CYP3A43: variants seen among roughly 807,000 people sequenced by gnomAD.
CYP3A43 encodes cytochrome P450 3A43.
A neutral mutation model predicts 58.0 loss-of-function variants in CYP3A43; 45 were observed. That is an observed-to-expected ratio of 0.78 (90% CI 0.61 to 0.99). CYP3A43 has a LOEUF of 0.99. Ranked by LOEUF, CYP3A43 falls within the 50% of genes least tolerant of loss-of-function variation. The pLI is 0.00. For synonymous variants in CYP3A43, 191 were observed against 201.4 expected (o/e 0.95, Z 0.44); for missense variants, 593 against 591.9 (o/e 1.00, Z -0.02).
At chr7:99,856,633 T>G (rs1817991100) in intron 8 of CYP3A43, among the ~76,000 whole-genome samples, 200 bp from the exon 9 acceptor site, 1 of 152,154 alleles carries the variant, frequency 6.6e-6, no homozygotes, top group Admixed American at 6.5e-5. Context: ...CAAAAGGATT[T>G]CTCTCAAGGA....
intron 7 of CYP3A43, 131 bp from the exon 8 acceptor site, chr7:99,855,460 G>A (rs1817936855): frequency 5.8e-6 from 7 of 1,207,416 alleles, no homozygotes; most frequent in Non-Finnish European, 6.7e-6. Context: ...GAGGGGCAAA[G>A]GTCATACAGG....
chr7:99,844,012 C>T, intron 3 of CYP3A43, 131 bp from the exon 4 acceptor site: 7 of 663,438 alleles, frequency 1.1e-5, no homozygotes, highest in Non-Finnish European at 1.8e-5. Flanking sequence ...TTGGAGCTGG[C>T]TTTGCTGTGT....
intron 1 of CYP3A43, among the ~76,000 whole-genome samples, chr7:99,831,572 A>G (rs1461136079): frequency 6.6e-6 from 1 of 152,212 alleles, no homozygotes; most frequent in Admixed American, 6.5e-5. Context: ...CCAGTCTTCC[A>G]TCCCTCAGTA....
chr7:99,850,532 CA>C (rs1817721460), intron 7 of CYP3A43, among the ~76,000 whole-genome samples: 1 of 151,994 alleles, frequency 6.6e-6, no homozygotes, highest in African/African-American at 2.4e-5. Flanking sequence ...AGTGAGCCAC[CA>C]TGCCCTGCCT....
chr7:99,834,780 G>A, intron 1 of CYP3A43, among the ~76,000 whole-genome samples: 1 of 152,202 alleles, frequency 6.6e-6, no homozygotes, highest in East Asian at 1.9e-4. Flanking sequence ...GGGCAATACA[G>A]TACTTTCCAA....
chr7:99,856,827 T>C lies in CYP3A43; in HGVS notation c.799-6T>C, dbSNP rs543262003. The C allele has an allele frequency of 9.9e-5, 160 of 1,614,034 alleles. No individual in the cohort carries two copies. The highest frequency in any genetic ancestry group is 5.0e-4 in the Middle Eastern group (3 of 6,060). On this transcript the variant is annotated splice_polypyrimidine_tract_variant and splice_region_variant and intron_variant, in intron 8 of 12. Coordinates refer to ENST00000354829, the MANE Select transcript of CYP3A43 (RefSeq NM_057095.3). ...CTGTCATTAAAATTTCTCTTTTTGCTTCCAGCATCGAGTAGATTTCTTTCA... is the reference window on the plus strand; with the variant it reads ...CTGTCATTAAAATTTCTCTTTTTGCCTCCAGCATCGAGTAGATTTCTTTCA...
intron 9 of CYP3A43, among the ~76,000 whole-genome samples, chr7:99,858,156 C>A (rs1360429807): frequency 8.0e-6 from 1 of 124,854 alleles, no homozygotes; most frequent in Non-Finnish European, 1.8e-5. Context: ...TAGTGCCTAC[C>A]CTACTGGGTA....
intron 8 of CYP3A43, among the ~76,000 whole-genome samples, chr7:99,856,432 G>A (rs1242924308): frequency 6.6e-6 from 1 of 152,234 alleles, no homozygotes; most frequent in Non-Finnish European, 1.5e-5. Context: ...ATTATCCAGA[G>A]ATTAATCTAT....
At chr7:99,855,007 C>A (rs985093570) in intron 7 of CYP3A43, among the ~76,000 whole-genome samples, 1 of 151,970 alleles carries the variant, frequency 6.6e-6, no homozygotes, top group Non-Finnish European at 1.5e-5. Context: ...GACTGGGTCC[C>A]AAGTAGCTGG....
At chr7:99,849,955 A>AGTTTTT in intron 7 of CYP3A43, 1 of 362,798 alleles carries the variant, frequency 2.8e-6, no homozygotes, top group African/African-American at 3.7e-5. Flanking sequence ...CTTCCTCACC[A>AGTTTTT]TTTTTTTTTT....
intron 3 of CYP3A43, among the ~76,000 whole-genome samples, chr7:99,843,136 T>C (rs1274625617): frequency 6.6e-6 from 1 of 152,254 alleles, no homozygotes; most frequent in African/African-American, 2.4e-5. Flanking sequence ...CTCTATGCCC[T>C]CTTTTCACAT....
chr7:99,861,628 G>C lies in CYP3A43; in HGVS notation c.1042G>C (p.Asp348His), dbSNP rs762866716. 3.1e-6 allele frequency: 5 copies of C among 1,613,854 alleles called. No homozygotes were observed. In the Admixed American group the frequency reaches 8.3e-5, roughly 27 times the overall value. ...TTCTTCCCAGGCACCTGTCACCTAC[G>C]ATGCCCTGGTACAGATGGAGTACCT... ...VLPNKAPVTY[D>H]ALVQMEYLDM... The change falls in exon 11 of 13, where the codon GAT (aspartate) becomes CAT (histidine). Residue 348 changes from aspartate (D) to histidine (H), a missense_variant. Physicochemically the swap from Asp to His is moderately conservative, Grantham distance 81. Coordinates refer to ENST00000354829, the MANE Select transcript of CYP3A43 (RefSeq NM_057095.3).
intron 1 of CYP3A43, among the ~76,000 whole-genome samples, chr7:99,834,144 G>A (rs1816965458): frequency 6.6e-6 from 1 of 152,160 alleles, no homozygotes; most frequent in Non-Finnish European, 1.5e-5. Flanking sequence ...TTGATATATA[G>A]CATTTCTCAT....
At chr7:99,861,552 G>A (rs1308368979) in intron 10 of CYP3A43, 61 bp from the exon 11 acceptor site, 18 of 1,448,130 alleles carry the variant, frequency 1.2e-5, no homozygotes, top group Admixed American at 5.7e-5. Flanking sequence ...AGTACTGCAT[G>A]GACTAAGTTG....
chr7:99,846,058 T>C (rs118080705), intron 4 of CYP3A43, among the ~76,000 whole-genome samples: 2 of 152,182 alleles, frequency 1.3e-5, no homozygotes, highest in Non-Finnish European at 1.5e-5. Context: ...ACTACAGACA[T>C]GAGCCACCAC....
intron 1 of CYP3A43, among the ~76,000 whole-genome samples, chr7:99,828,501 A>C (rs1816712905): frequency 6.6e-6 from 1 of 152,006 alleles, no homozygotes; most frequent in Non-Finnish European, 1.5e-5. Context: ...TCTCTACTAA[A>C]AATACAAAAA....
chr7:99,830,617 T>C (rs1435130491), intron 1 of CYP3A43, among the ~76,000 whole-genome samples: 1 of 152,220 alleles, frequency 6.6e-6, no homozygotes, highest in East Asian at 1.9e-4. Flanking sequence ...ACAGACATTA[T>C]AATAAGATGA....
chr7:99,849,698 T>C lies in CYP3A43; in HGVS notation c.670+4T>C, dbSNP rs1584222981. ...GATCCCTTTTTACTCTTAATATGTA[T>C]GTGGACTTTTATGTTATTTCTCTCT... On this transcript the variant is annotated splice_donor_region_variant and intron_variant, in intron 7 of 12. Transcript: ENST00000354829. 1 of 1,576,224 alleles carries C rather than the reference T, an allele frequency of 6.3e-7. No individual in the cohort carries two copies. The highest frequency in any genetic ancestry group is 8.6e-7 in the Non-Finnish European group (1 of 1,168,218).
rs1816706378 is a variant in CYP3A43, at chr7:99,828,331, A to G, written c.71+145A>G. ...GCCAAATACTGTGAACACATAAAAT[A>G]TTATTAATATGTTAGGACTCCTAAT... On this transcript the variant is annotated intron_variant, in intron 1 of 12. Transcript: ENST00000354829. 5.4e-6 allele frequency: 3 copies of G among 551,270 alleles called. No homozygotes were observed. The African/African-American group carries it at 5.6e-5, about 10-fold the overall frequency. The allele number at this position is 551,270 out of a possible 1,614,324, so 34.1% of individuals were successfully genotyped here. A position where few individuals can be genotyped will look rare whatever the true frequency, so the allele number is the denominator to read the frequency against.
Sources: allele counts gnomAD v4.1 joint callset (sites outside exome capture counted in the v4.1 genomes callset), GRCh38; gene constraint gnomAD v4.1.1; transcripts MANE v1.5; gene names NCBI Gene and HGNC (gene_info 2026-07-23, HGNC 2026-07-21).